FANCG: variants seen among roughly 807,000 people sequenced by gnomAD.
The protein encoded by FANCG is Fanconi anemia group G protein.
FANCG carries 67 observed loss-of-function variants against 73.3 expected under a neutral mutation model. The ratio of observed to expected loss-of-function variants is 0.91; its 90% CI spans 0.75 to 1.12. The LOEUF (loss-of-function observed/expected upper bound fraction) is 1.12. FANCG is among the 50% of genes most tolerant of loss of function. FANCG has a pLI of 0.00. For synonymous variants in FANCG, 297 were observed against 311.6 expected, an observed-to-expected ratio of 0.95 and a Z score of 0.49; for missense variants, 643 against 735.6, an observed-to-expected ratio of 0.87 and a Z score of 1.46.
intron 3 of FANCG, 60 bp downstream of exon 3, chr9:35,078,545 C>A: frequency 6.2e-7 from 1 of 1,612,910 alleles, no homozygotes; most frequent in Non-Finnish European, 8.5e-7. Context: ...CATCTCCCTG[C>A]AATAACTTAA....
At chr9:35,074,675 T>A in intron 12 of FANCG, 181 bp from the exon 13 acceptor site, 1 of 917,562 alleles carries the variant, frequency 1.1e-6, no homozygotes, top group South Asian at 1.4e-5. Context: ...CCCCTACTCC[T>A]GTGCAACCCA....
rs1229404568 is a variant in FANCG, at chr9:35,079,773, T to C, written c.-249A>G. Reference sequence around the variant, plus strand: ...GGGTCTGCGAAGCTCTGGGCTGCGGTTGGTCCTCTTGAAGAGTTAGTTCCC... The same window carrying C: ...GGGTCTGCGAAGCTCTGGGCTGCGGCTGGTCCTCTTGAAGAGTTAGTTCCC... On this transcript the variant is annotated 5_prime_UTR_variant, in exon 1 of 14. Coordinates refer to ENST00000378643, the MANE Select transcript of FANCG (RefSeq NM_004629.2). 3 of 563,180 alleles carry C rather than the reference T, an allele frequency of 5.3e-6. No individual in the cohort carries two copies. Among genetic ancestry groups the C allele is most frequent in the East Asian group, 6.0e-5 (2 of 33,244 alleles). 34.9% of individuals were successfully genotyped at this position (563,180 alleles called of 1,614,324 possible).
chr9:35,076,374 C>A, intron 8 of FANCG, 58 bp downstream of exon 8: 2 of 1,602,736 alleles, frequency 1.2e-6, no homozygotes. Context: ...CAGAGTCACA[C>A]CCCAGGGGAG....
chr9:35,079,500 CCA>C lies in FANCG; in HGVS notation c.23_24del (p.Val8GlyfsTer13). On this transcript the variant is annotated frameshift_variant, in exon 1 of 14. Transcript: ENST00000378643. LOFTEE classifies it high-confidence loss of function. MSRQTTS[V>X]GSSCLDLWRE... ...CTCCACAGGTCCAGGCAGCTGGAGC[CCA>C]CAGAGGTGGTCTGGCGGGACATGGT... is the stretch of plus-strand genomic sequence containing the variant. 1 of 1,614,136 alleles carries C rather than the reference CCA, an allele frequency of 6.2e-7. No homozygotes were observed. The highest frequency in any genetic ancestry group is 8.5e-7 in the Non-Finnish European group (1 of 1,180,040).
intron 8 of FANCG, 60 bp from the exon 9 acceptor site, chr9:35,076,088 C>T: frequency 6.7e-7 from 1 of 1,492,640 alleles, no homozygotes; most frequent in Non-Finnish European, 9.3e-7. Context: ...TGCAAGGGTC[C>T]TGAGAATGTT....
At position 35,075,668 on chromosome 9, in the gene FANCG, G is replaced by A; in HGVS notation, c.1230C>T (p.Ala410=). Residue 410 remains alanine (A), a synonymous_variant, in exon 10 of 14, where the codon GCC becomes GCT. Coordinates refer to ENST00000378643, the MANE Select transcript of FANCG (RefSeq NM_004629.2). Reference sequence around the variant, plus strand: ...CCTCACATAGAGTCAAGGCATCTTGGGCTCTGCCTGCCTGGATCAGTGCTA... The same window carrying A: ...CCTCACATAGAGTCAAGGCATCTTGAGCTCTGCCTGCCTGGATCAGTGCTA... The part of the protein sequence containing the change: ...AAVALIQAGR[A]QDALTLCEEL... 1.9e-6 allele frequency: 3 copies of A among 1,610,302 alleles called. No individual in the cohort carries two copies. The highest frequency in any genetic ancestry group is 2.5e-6 in the Non-Finnish European group (3 of 1,178,892).
intron 4 of FANCG, 118 bp downstream of exon 4, chr9:35,078,023 G>A (rs760782457): frequency 2.8e-5 from 27 of 981,720 alleles, no homozygotes; most frequent in Non-Finnish European, 4.1e-5. Flanking sequence ...AGAGAATCCA[G>A]GTTTTCCGAC....
chr9:35,077,288 G>A lies in FANCG; in HGVS notation c.622C>T (p.Leu208=), dbSNP rs1587142420. ...CCTTGGCGGTAGGCAAATGCTGTCA[G>A]GAGGACATCCTTCAATCCCTGGGCA... ...QDAQGLKDVL[L]TAFAYRQGLQ... The change falls in exon 5 of 14, where the codon CTG becomes TTG. Residue 208 remains leucine, a synonymous_variant. Coordinates refer to ENST00000378643, the MANE Select transcript of FANCG (RefSeq NM_004629.2). 3 of 1,614,200 alleles carry A rather than the reference G, an allele frequency of 1.9e-6. No homozygotes were observed. The highest frequency in any genetic ancestry group is 2.5e-6 in the Non-Finnish European group (3 of 1,180,034).
In FANCG at chr9:35,078,337, T is replaced by C. The variant is rs769048669; in HGVS notation, c.314A>G (p.Glu105Gly). 3.1e-6 allele frequency: 5 copies of C among 1,613,106 alleles called. No homozygotes were observed. The African/African-American group carries it at 5.3e-5, about 17-fold the overall frequency. ...DIQRSLERVLETQEQQGPRLE... is the reference protein window; with the variant it reads ...DIQRSLERVLGTQEQQGPRLE... ...CCTGGGCCCCTGCTGCTCCTGTGTC[T>C]CCAGCACTGTAGAGTATACACACAC... The change falls in exon 4 of 14, where the codon GAG becomes GGG. Residue 105 changes from glutamate (E) to glycine (G), a missense_variant. Physicochemically the swap from Glu to Gly is moderately conservative, Grantham distance 98. Coordinates refer to ENST00000378643, the MANE Select transcript of FANCG (RefSeq NM_004629.2).
At position 35,079,490 on chromosome 9, in the gene FANCG, C is replaced by T. The variant is rs780510460; in HGVS notation, c.35G>A (p.Cys12Tyr). 2.5e-6 allele frequency: 4 copies of T among 1,614,176 alleles called. No homozygotes were observed. Among genetic ancestry groups the T allele is most frequent in the South Asian group, 1.1e-5 (1 of 91,088 alleles). ...SRQTTSVGSS[C>Y]LDLWREKNDR... ...ATTCTTTTCCCTCCACAGGTCCAGG[C>T]AGCTGGAGCCCACAGAGGTGGTCTG... Residue 12 changes from cysteine to tyrosine, a missense_variant, in exon 1 of 14, where the codon TGC becomes TAC. Cys to Tyr is a radical substitution (Grantham distance 194, BLOSUM62 -2). Transcript: ENST00000378643.
intron 12 of FANCG, 76 bp downstream of exon 12, chr9:35,074,851 T>TA (rs1345464495): frequency 6.3e-7 from 1 of 1,575,142 alleles, no homozygotes; most frequent in African/African-American, 1.3e-5. Context: ...CTCTTACACT[T>TA]ACGCCCAAGT....
Position 35,075,007 on chromosome 9 carries a change from C to T in FANCG, c.1556G>A (p.Ser519Asn), listed in dbSNP as rs1209146448. The T allele has an allele frequency of 6.2e-7, 1 of 1,614,224 alleles. No homozygotes were observed. Among genetic ancestry groups the T allele is most frequent in the African/African-American group, 1.3e-5 (1 of 75,056 alleles). ...LQQLRAAALI[S>N]RGLEWVASGQ... Reference sequence around the variant, plus strand: ...GCTGGCTACCCATTCCAGTCCACGACTAATTAGGGCGGCTGCCCGAAGCTG... The same window carrying T: ...GCTGGCTACCCATTCCAGTCCACGATTAATTAGGGCGGCTGCCCGAAGCTG... The change falls in exon 12 of 14, where the codon AGT becomes AAT. Residue 519 changes from serine (S) to asparagine (N), a missense_variant. By Grantham distance (46) the Ser-to-Asn change is conservative (BLOSUM62 1). Coordinates refer to ENST00000378643, the MANE Select transcript of FANCG (RefSeq NM_004629.2).
rs1206413828 is a variant in FANCG at position 35,075,744 on chromosome 9, G to A, written c.1154C>T (p.Pro385Leu). Reference sequence around the variant, plus strand: ...CATACAGGGCCCTGGAGGGGAGGGGGGTGGGGAGAACTGGAGTGGGAAGAA... The same window carrying A: ...CATACAGGGCCCTGGAGGGGAGGGGAGTGGGGAGAACTGGAGTGGGAAGAA... ...LDSSEPRFSP[P>L]PSPPGPCMPE... The change falls in exon 10 of 14, where the codon CCC becomes CTC. Residue 385 changes from proline (P) to leucine (L), a missense_variant. Coordinates refer to ENST00000378643, the MANE Select transcript of FANCG (RefSeq NM_004629.2). The A allele has an allele frequency of 1.9e-5, 11 of 565,836 alleles. No homozygotes were observed. The highest frequency in any genetic ancestry group is 3.3e-5 in the Non-Finnish European group (10 of 303,930). The allele number at this position is 565,836 out of a possible 1,614,324, so 35.1% of individuals were successfully genotyped here.
At chr9:35,078,872 AT>A in intron 2 of FANCG, 136 bp from the exon 3 acceptor site, 1 of 1,269,192 alleles carries the variant, frequency 7.9e-7, no homozygotes. Context: ...TTAGCTAAGG[AT>A]TTAAAAAAAG....
In FANCG at chr9:35,078,597, G is replaced by A; in HGVS notation, c.307+8C>T. The A allele has an allele frequency of 1.2e-6, 2 of 1,614,094 alleles. No homozygotes were observed. Among genetic ancestry groups the A allele is most frequent in the Non-Finnish European group, 1.7e-6 (2 of 1,180,018 alleles). On this transcript the variant is annotated splice_region_variant and intron_variant, in intron 3 of 13. Coordinates refer to ENST00000378643, the MANE Select transcript of FANCG (RefSeq NM_004629.2). ...GCAGGGGAATCAGGGACAATCTCTG[G>A]CCCTCACCTCTCTCTAGGCTCCGCT...
chr9:35,074,573 G>A lies in FANCG; in HGVS notation c.1637-79C>T, dbSNP rs1829045775. ...TTGTTTTATAAAAAGGGAAACTGAG[G>A]CCTAGAGAGAGGAAGTATCTTGCCT... On this transcript the variant is annotated intron_variant, in intron 12 of 13. Coordinates refer to ENST00000378643, the MANE Select transcript of FANCG (RefSeq NM_004629.2). 5 of 1,583,678 alleles carry A rather than the reference G, an allele frequency of 3.2e-6. No homozygotes were observed. In the Admixed American group the frequency reaches 5.0e-5, roughly 16 times the overall value.
Position 35,073,910 on chromosome 9 carries a change from C to T in FANCG, c.*198G>A, listed in dbSNP as rs764197648. 1 of 658,928 alleles carries T rather than the reference C, an allele frequency of 1.5e-6. No individual in the cohort carries two copies. The highest frequency in any genetic ancestry group is 2.3e-5 in the Admixed American group (1 of 44,162). The allele number at this position is 658,928 out of a possible 1,614,324, so 40.8% of individuals were successfully genotyped here. A position where few individuals can be genotyped will look rare whatever the true frequency, so the allele number is the denominator to read the frequency against. On this transcript the variant is annotated 3_prime_UTR_variant, in exon 14 of 14. Transcript: ENST00000378643. ...AAGGTGCCTCGAGCAAAGTCAATGACTTGGTGGTGGCAGAGATTGTTTCCT... is the reference window on the plus strand; with the variant it reads ...AAGGTGCCTCGAGCAAAGTCAATGATTTGGTGGTGGCAGAGATTGTTTCCT...
At chr9:35,076,253 G>A in intron 8 of FANCG, 179 bp downstream of exon 8, 1 of 805,692 alleles carries the variant, frequency 1.2e-6, no homozygotes, top group Admixed American at 2.0e-5. Context: ...GAAGGTTAAT[G>A]TCTTAGAGAA....
intron 8 of FANCG, 173 bp downstream of exon 8, chr9:35,076,259 G>C (rs1251107670): frequency 1.2e-6 from 1 of 816,608 alleles, no homozygotes; most frequent in Non-Finnish European, 2.1e-6. Flanking sequence ...TAATGTCTTA[G>C]AGAAGAGTCC....
Sources: gnomAD v4.1 joint callset for allele counts on GRCh38, gnomAD v4.1.1 for gene constraint, MANE v1.5 for transcripts, NCBI Gene and HGNC (gene_info 2026-07-23, HGNC 2026-07-21) for gene names.